The following EPHA3 variants were observed in gnomAD, a reference collection of about 807,000 sequenced individuals.
EPHA3 encodes EPH receptor A3.
Under a neutral mutation model 107.1 loss-of-function variants are expected in EPHA3, and 42 were observed. That is an observed-to-expected ratio of 0.39 (90% CI 0.31 to 0.51). The LOEUF (loss-of-function observed/expected upper bound fraction) is 0.51, where lower values mean the gene tolerates loss of function less well. Ranked by LOEUF, EPHA3 falls within the 20% of genes least tolerant of loss-of-function variation. The pLI is 0.78. For missense variants in EPHA3, 1,183 were observed against 1,211.2 expected, an observed-to-expected ratio of 0.98 and a Z score of 0.35; for synonymous variants, 461 against 424.8, an observed-to-expected ratio of 1.09 and a Z score of -1.05.
At chr3:89,359,840 T>TATAC (rs1289984585) in intron 5 of EPHA3, among the ~76,000 whole-genome samples, 1 of 144,494 alleles carries the variant, frequency 6.9e-6, no homozygotes, top group Non-Finnish European at 1.5e-5. Flanking sequence ...TATACATATA[T>TATAC]ATATATGCAT....
At chr3:89,268,875 G>C (rs1705597556) in intron 3 of EPHA3, among the ~76,000 whole-genome samples, 1 of 150,624 alleles carries the variant, frequency 6.6e-6, no homozygotes, top group Non-Finnish European at 1.5e-5. Flanking sequence ...TGTGATAAAT[G>C]ATATAATTTT....
chr3:89,269,484 C>T (rs1178938968), intron 3 of EPHA3, among the ~76,000 whole-genome samples: 1 of 151,968 alleles, frequency 6.6e-6, no homozygotes, highest in Non-Finnish European at 1.5e-5. Context: ...CTTTGTTGCT[C>T]AGGCTGGTCT....
chr3:89,174,210 G>A (rs1474865872), intron 2 of EPHA3, among the ~76,000 whole-genome samples: 5 of 151,962 alleles, frequency 3.3e-5, no homozygotes, highest in African/African-American at 4.8e-5. Context: ...TAAATATCAA[G>A]AGGTCTTAGG....
intron 3 of EPHA3, among the ~76,000 whole-genome samples, chr3:89,285,487 A>C (rs1706060272): frequency 6.6e-6 from 1 of 152,214 alleles, no homozygotes; most frequent in Non-Finnish European, 1.5e-5. Context: ...TATGAAGCAA[A>C]GAAATGTATA....
intron 5 of EPHA3, 23 bp downstream of exon 5, chr3:89,342,113 T>C (rs774771800): frequency 6.3e-7 from 1 of 1,582,208 alleles, no homozygotes; most frequent in Non-Finnish European, 8.6e-7. Context: ...TAGATGCTTC[T>C]TACTCTTATC....
rs1331517508 is a variant in EPHA3, at chr3:89,224,210, C to G, written c.814+13690C>G. Among the ~76,000 whole-genome samples the G allele has an allele frequency of 2.0e-5, 3 of 152,118 alleles. 1 individual carries two copies. Among genetic ancestry groups the G allele is most frequent in the Admixed American group, 6.5e-5 (1 of 15,268 alleles). On this transcript the variant is annotated intron_variant, in intron 3 of 16. Transcript: ENST00000336596. ...ATTTATAGCATCTCTCCTATCTACA[C>G]AAATAATTTACCATGAAATTTATTC...
intron 2 of EPHA3, among the ~76,000 whole-genome samples, chr3:89,162,976 C>T (rs1223417850): frequency 1.3e-5 from 2 of 152,162 alleles, no homozygotes; most frequent in Non-Finnish European, 2.9e-5. Flanking sequence ...GTGTCAGCCT[C>T]TTGTATCAAC....
intron 2 of EPHA3, among the ~76,000 whole-genome samples, chr3:89,180,225 A>G (rs1001563274): frequency 2.0e-5 from 3 of 151,978 alleles, no homozygotes; most frequent in African/African-American, 4.8e-5. Context: ...CTTACCTGCT[A>G]TACATCTAAG....
intron 2 of EPHA3, among the ~76,000 whole-genome samples, chr3:89,173,617 T>G (rs1378350097): frequency 6.6e-6 from 1 of 152,076 alleles, no homozygotes; most frequent in Non-Finnish European, 1.5e-5. Flanking sequence ...AGATTTTGCT[T>G]TAAACTGTAT....
At chr3:89,467,235 G>A (rs369096269) in intron 15 of EPHA3, among the ~76,000 whole-genome samples, 2 of 151,892 alleles carry the variant, frequency 1.3e-5, no homozygotes, top group Non-Finnish European at 2.9e-5. Flanking sequence ...TAAAATGTAC[G>A]GAAAAAATAT....
At chr3:89,167,132 G>A (rs1372109299) in intron 2 of EPHA3, among the ~76,000 whole-genome samples, 1 of 152,044 alleles carries the variant, frequency 6.6e-6, no homozygotes, top group Non-Finnish European at 1.5e-5. Context: ...TTGTTTTAAT[G>A]GACAGATAGT....
At chr3:89,252,913 C>A (rs1705197526) in intron 3 of EPHA3, among the ~76,000 whole-genome samples, 1 of 150,332 alleles carries the variant, frequency 6.7e-6, no homozygotes, top group Non-Finnish European at 1.5e-5. Flanking sequence ...TATAAAAGAT[C>A]AAAATAGTTT....
chr3:89,479,248 C>A, intron 16 of EPHA3, 149 bp from the exon 17 acceptor site: 1 of 635,862 alleles, frequency 1.6e-6, no homozygotes. Flanking sequence ...GATGGTGGAA[C>A]GGTCCGGACA....
At chr3:89,109,866 G>A (rs1050107748) in intron 1 of EPHA3, among the ~76,000 whole-genome samples, 3 of 151,962 alleles carry the variant, frequency 2.0e-5, no homozygotes, top group African/African-American at 4.8e-5. Context: ...TGTCCTATGG[G>A]TAGTGTCTCT....
chr3:89,356,708 G>T (rs1046355657), intron 5 of EPHA3, among the ~76,000 whole-genome samples: 2 of 150,912 alleles, frequency 1.3e-5, no homozygotes, highest in Admixed American at 6.6e-5. Context: ...TTGATTCTGT[G>T]CCATCACTGA....
At chr3:89,236,233 C>T (rs994606237) in intron 3 of EPHA3, among the ~76,000 whole-genome samples, 1 of 151,712 alleles carries the variant, frequency 6.6e-6, no homozygotes, top group Non-Finnish European at 1.5e-5. Context: ...TAAATATATA[C>T]CCCCCAAAAA....
intron 5 of EPHA3, among the ~76,000 whole-genome samples, chr3:89,378,985 A>C (rs1708451857): frequency 6.6e-6 from 1 of 152,208 alleles, no homozygotes; most frequent in Non-Finnish European, 1.5e-5. Flanking sequence ...TCGCTCCAAA[A>C]TTTATGGCTA....
At chr3:89,413,857 C>G (rs1709199768) in intron 10 of EPHA3, among the ~76,000 whole-genome samples, 1 of 151,412 alleles carries the variant, frequency 6.6e-6, no homozygotes, top group South Asian at 2.1e-4. Flanking sequence ...TAACAATCAC[C>G]TATTAAGTGG....
At chr3:89,350,944 G>C (rs1166353591) in intron 5 of EPHA3, among the ~76,000 whole-genome samples, 1 of 151,398 alleles carries the variant, frequency 6.6e-6, no homozygotes, top group Non-Finnish European at 1.5e-5. Flanking sequence ...TCAGGGGTCA[G>C]GGACCCACTT....
Sources: allele counts gnomAD v4.1 joint callset (sites outside exome capture counted in the v4.1 genomes callset), GRCh38; gene constraint gnomAD v4.1.1; transcripts MANE v1.5; gene names NCBI Gene and HGNC (gene_info 2026-07-23, HGNC 2026-07-21).